MORN1: variants seen among roughly 807,000 people sequenced by gnomAD.
MORN1 encodes MORN repeat containing 1.
In MORN1, 67 loss-of-function variants were observed where a neutral mutation model predicts 61.9. The observed-to-expected ratio is 1.08, with a 90% CI of 0.89 to 1.33. MORN1 has a LOEUF of 1.33. Ranked by LOEUF, MORN1 falls within the 40% of genes most tolerant of loss-of-function variation. The probability of loss-of-function intolerance (pLI) is 0.00; values close to 1 mark genes in which losing one functional copy is unlikely to be tolerated. For missense variants in MORN1, 752 were observed against 691.2 expected, an observed-to-expected ratio of 1.09 and a Z score of -0.99; for synonymous variants, 301 against 292.0, an observed-to-expected ratio of 1.03 and a Z score of -0.31.
chr1:2,323,709 C>A (rs576970416), intron 13 of MORN1: 1 of 985,362 alleles, frequency 1.0e-6, no homozygotes, highest in Non-Finnish European at 1.2e-6. Flanking sequence ...CCAAGCCCTG[C>A]AGCCGGCCTT....
At chr1:2,358,450 C>T in intron 9 of MORN1, 142 bp downstream of exon 9, 1 of 1,163,312 alleles carries the variant, frequency 8.6e-7, no homozygotes, top group Non-Finnish European at 1.2e-6. Flanking sequence ...GAGCTGTTTC[C>T]TTAGAACAGA....
intron 10 of MORN1, among the ~76,000 whole-genome samples, chr1:2,339,180 C>G (rs576040239): frequency 7.2e-5 from 11 of 152,160 alleles, no homozygotes; most frequent in African/African-American, 2.7e-4. Flanking sequence ...AGGGGAGGGT[C>G]GTCCCCAGCC....
intron 10 of MORN1, among the ~76,000 whole-genome samples, chr1:2,338,871 G>A (rs1050844085): frequency 6.6e-6 from 1 of 152,144 alleles, no homozygotes; most frequent in African/African-American, 2.4e-5. Flanking sequence ...AGTAAAGGCT[G>A]TCGTGACTGT....
At chr1:2,327,835 T>C (rs1051242992) in intron 12 of MORN1, among the ~76,000 whole-genome samples, 3 of 152,266 alleles carry the variant, frequency 2.0e-5, no homozygotes, top group Non-Finnish European at 2.9e-5. Context: ...TTGGCCGCCC[T>C]GACGGGTGAG....
intron 2 of MORN1, 179 bp from the exon 3 acceptor site, chr1:2,388,516 C>T (rs757708932): frequency 1.8e-4 from 105 of 570,482 alleles, no homozygotes; most frequent in Admixed American, 1.3e-4. Flanking sequence ...AAATATCTGC[C>T]GAAACACGCT....
intron 12 of MORN1, among the ~76,000 whole-genome samples, chr1:2,331,769 G>A (rs982570558): frequency 1.3e-5 from 2 of 152,122 alleles, no homozygotes; most frequent in African/African-American, 4.8e-5. Flanking sequence ...CGCATGCGCC[G>A]TCCTTCTTAT....
At chr1:2,350,180 T>G (rs1641614192) in intron 10 of MORN1, among the ~76,000 whole-genome samples, 6 of 152,202 alleles carry the variant, frequency 3.9e-5, no homozygotes. Flanking sequence ...GAATATAAAA[T>G]CAATGTGCTT....
chr1:2,359,016 C>T (rs77635686), intron 8 of MORN1, among the ~76,000 whole-genome samples: 1,965 of 152,256 alleles, frequency 0.013, 44 homozygotes, highest in African/African-American at 0.045. Context: ...CAGCTCTAGG[C>T]CTCGGGGACC....
At position 2,349,161 on chromosome 1, in the gene MORN1, T is replaced by G. The variant is rs183900297; in HGVS notation, c.1036+8271A>C. On this transcript the variant is annotated intron_variant, in intron 10 of 13. Transcript: ENST00000378531. ...ACCCCACTTGGCAGGACTTGATGGC[T>G]TTGGGACTGAATTGTTCCAGGCGGG... Among the ~76,000 whole-genome samples the G allele has an allele frequency of 3.8e-3, 578 of 152,276 alleles. 5 individuals are homozygous for G. Among genetic ancestry groups the G allele is most frequent in the African/African-American group, 0.013 (560 of 41,546 alleles).
At chr1:2,347,840 C>G (rs1483290538) in intron 10 of MORN1, among the ~76,000 whole-genome samples, 6 of 152,216 alleles carry the variant, frequency 3.9e-5, no homozygotes, top group Admixed American at 3.9e-4. Flanking sequence ...AATGTTTAAT[C>G]AAACATTTAC....
chr1:2,345,084 C>T (rs1320423584), intron 10 of MORN1, among the ~76,000 whole-genome samples: 1 of 151,934 alleles, frequency 6.6e-6, no homozygotes, highest in Non-Finnish European at 1.5e-5. Context: ...GGAGGGTCCA[C>T]GCGTGCTCAC....
At chr1:2,385,486 C>T (rs1642472963) in intron 5 of MORN1, 1 of 373,362 alleles carries the variant, frequency 2.7e-6, no homozygotes, top group South Asian at 3.0e-5. Flanking sequence ...CTCATTTAGA[C>T]CTGGAGACGC....
chr1:2,388,314 C>T lies in MORN1; in HGVS notation c.172G>A (p.Asp58Asn), dbSNP rs1642554871. 6.2e-7 allele frequency: 1 copy of T among 1,614,034 alleles called. No homozygotes were observed. Among genetic ancestry groups the T allele is most frequent in the East Asian group, 2.2e-5 (1 of 44,884 alleles). Reference sequence around the variant, plus strand: ...AACGCCCCTTCGTAATAACTGCCATCTTTAAATAACAACTTCCCGTGACCT... The same window carrying T: ...AACGCCCCTTCGTAATAACTGCCATTTTTAAATAACAACTTCCCGTGACCT... The part of the protein sequence containing the change: ...KHGHGKLLFK[D>N]GSYYEGAFVD... The change falls in exon 3 of 14, where the codon GAT (aspartate) becomes AAT (asparagine). Residue 58 changes from aspartate (D) to asparagine (N), a missense_variant. Coordinates refer to ENST00000378531, the MANE Select transcript of MORN1 (RefSeq NM_024848.3).
chr1:2,369,112 G>A (rs1221968857), intron 8 of MORN1, among the ~76,000 whole-genome samples: 1 of 151,706 alleles, frequency 6.6e-6, no homozygotes, highest in Non-Finnish European at 1.5e-5. Context: ...AGCACTTTGG[G>A]AGGCCGAGGG....
rs928469901 is a variant in MORN1 at position 2,337,683 on chromosome 1, C to T, written c.1037-833G>A. On this transcript the variant is annotated intron_variant, in intron 10 of 13. Coordinates refer to ENST00000378531, the MANE Select transcript of MORN1 (RefSeq NM_024848.3). This position sits in a 1 kb window ranked among gnomAD's most constrained non-coding sequence, Gnocchi z 5.7. The stretch of plus-strand genomic sequence containing the variant: ...AGAGCCCACGTTCCTACGAGCAGCT[C>T]GGAGCTGTCCTGACACCGCTGCCCC... Among the ~76,000 whole-genome samples, 7 of 152,198 alleles carry T rather than the reference C, an allele frequency of 4.6e-5. No individual in the cohort carries two copies. The highest frequency in any genetic ancestry group is 7.3e-5 in the Non-Finnish European group (5 of 68,030).
chr1:2,348,672 C>T (rs957948299), intron 10 of MORN1, among the ~76,000 whole-genome samples: 13 of 137,970 alleles, frequency 9.4e-5, no homozygotes, highest in Non-Finnish European at 2.2e-4. Context: ...CGCACACGCA[C>T]ACCTGCGCAG....
At chr1:2,330,445 T>TG (rs1641125029) in intron 12 of MORN1, among the ~76,000 whole-genome samples, 1 of 152,010 alleles carries the variant, frequency 6.6e-6, no homozygotes, top group African/African-American at 2.4e-5. Context: ...GGAGCCCAGG[T>TG]GCTGGCTTGT....
intron 10 of MORN1, chr1:2,351,933 G>C (rs1001024068): frequency 7.7e-6 from 4 of 516,632 alleles, no homozygotes; most frequent in Non-Finnish European, 1.5e-5. Flanking sequence ...GCCACCCACG[G>C]GCCCACCAAT....
At chr1:2,356,682 C>G (rs1641777752) in intron 10 of MORN1, among the ~76,000 whole-genome samples, 1 of 152,210 alleles carries the variant, frequency 6.6e-6, no homozygotes, top group Admixed American at 6.5e-5. Context: ...CCAACGCTGT[C>G]AAGACTGTTC....
Sources: allele counts gnomAD v4.1 joint callset (sites outside exome capture counted in the v4.1 genomes callset), GRCh38; gene constraint gnomAD v4.1.1; non-coding constraint Gnocchi (gnomAD v3.1); transcripts MANE v1.5; gene names NCBI Gene and HGNC (gene_info 2026-07-23, HGNC 2026-07-21).